The following CLEC4A variants were observed in gnomAD, a reference collection of about 807,000 sequenced individuals.
CLEC4A encodes the protein C-type (calcium dependent, carbohydrate-recognition domain) lectin, superfamily member 6.
In CLEC4A, 27 loss-of-function variants were observed where a neutral mutation model predicts 32.7. The observed-to-expected ratio is 0.83, with a 90% CI of 0.61 to 1.14. The LOEUF is 1.14. Ranked by LOEUF, CLEC4A falls within the 50% of genes most tolerant of loss-of-function variation. CLEC4A has a pLI of 0.00. For missense variants in CLEC4A, 253 were observed against 274.6 expected (o/e 0.92, Z 0.55); for synonymous variants, 89 against 93.7 (o/e 0.95, Z 0.29).
chr12:8,133,895 A>G, intron 3 of CLEC4A: 1 of 1,595,546 alleles, frequency 6.3e-7, no homozygotes, highest in Non-Finnish European at 8.5e-7. Context: ...TGGGGTACCA[A>G]AATGGGGCCC....
Position 8,138,122 on chromosome 12 carries a change from C to A in CLEC4A, c.567-18C>A. ...GCTCTGTTTGAAGAAATGCCCTCAT[C>A]CTTTTTGTCGCTTTCAGATTCTGGC... is the stretch of plus-strand genomic sequence containing the variant. On this transcript the variant is annotated intron_variant, in intron 5 of 5. Transcript: ENST00000229332. 6.2e-7 allele frequency: 1 copy of A among 1,611,866 alleles called. No homozygotes were observed. Among genetic ancestry groups the A allele is most frequent in the Non-Finnish European group, 8.5e-7 (1 of 1,178,842 alleles).
chr12:8,124,138 A>G (rs976705045), intron 1 of CLEC4A, among the ~76,000 whole-genome samples, 178 bp downstream of exon 1: 2 of 152,144 alleles, frequency 1.3e-5, no homozygotes, highest in Non-Finnish European at 2.9e-5. Flanking sequence ...GTACATTTGT[A>G]TTGTGGAGAA....
In CLEC4A at chr12:8,128,544, G is replaced by A. The variant is rs1474036992; in HGVS notation, c.200-720G>A. On this transcript the variant is annotated intron_variant, in intron 2 of 5. Coordinates refer to ENST00000229332, the MANE Select transcript of CLEC4A (RefSeq NM_016184.4). ...TCCTTCCTCAGCTTCCCGAGTAGCT[G>A]GGATTACAGGCACCTGCCGCTGCGC... Among the ~76,000 whole-genome samples the A allele has an allele frequency of 2.0e-5, 3 of 152,120 alleles. No homozygotes were observed. The East Asian group carries it at 5.8e-4, about 29-fold the overall frequency.
At position 8,123,911 on chromosome 12, in the gene CLEC4A, G is replaced by T. The variant is rs1179295225; in HGVS notation, c.33G>T (p.Arg11Ser). The change falls in exon 1 of 6, where the codon AGG (arginine) becomes AGT (serine). Residue 11 changes from arginine (R) to serine (S), a missense_variant. Coordinates refer to ENST00000229332, the MANE Select transcript of CLEC4A (RefSeq NM_016184.4). MTSEITYAEVRFKNEFKSSGI... is the reference protein window; with the variant it reads MTSEITYAEVSFKNEFKSSGI... ...CGGAAATCACTTATGCTGAAGTGAG[G>T]TTCAAAAATGAATTCAAGTCCTCAG... The T allele has an allele frequency of 1.2e-6, 2 of 1,613,228 alleles. No homozygotes were observed. Among genetic ancestry groups the T allele is most frequent in the African/African-American group, 1.3e-5 (1 of 74,896 alleles).
At chr12:8,126,658 C>T (rs891131161) in intron 2 of CLEC4A, among the ~76,000 whole-genome samples, 1 of 152,084 alleles carries the variant, frequency 6.6e-6, no homozygotes, top group Non-Finnish European at 1.5e-5. Flanking sequence ...GAGCCACAGC[C>T]CCTGGTCTCA....
At chr12:8,105,705 C>T in the CLEC4A span, among the ~76,000 whole-genome samples, 1 of 152,000 alleles carries the variant, frequency 6.6e-6, no homozygotes, top group South Asian at 2.1e-4. Context: ...TTGAAAAGTG[C>T]CTGTTCTTGT....
upstream of CLEC4A, among the ~76,000 whole-genome samples, chr12:8,123,452 A>T (rs4882913): frequency 0.85 from 129,514 of 152,212 alleles, 58,183 homozygotes; most frequent in Non-Finnish European, 0.99. Flanking sequence ...TATGTTCAGG[A>T]TGTTTGGTCA....
upstream of CLEC4A, among the ~76,000 whole-genome samples, chr12:8,123,328 T>C (rs549525111): frequency 2.1e-3 from 318 of 152,272 alleles, 1 homozygote; most frequent in Non-Finnish European, 3.7e-3. Flanking sequence ...AGGAAACTAA[T>C]TCGTGAAGGT....
Position 8,124,905 on chromosome 12 carries a change from A to G in CLEC4A, c.83-656A>G, listed in dbSNP as rs750105871. 6.6e-5 allele frequency among the ~76,000 whole-genome samples: 10 copies of G among 152,314 alleles called. No individual in the cohort carries two copies. In the East Asian group the frequency reaches 1.9e-3, roughly 29 times the overall value. ...CCACATACAAATACATATAATGTGC[A>G]TATGTATTTTACTAAAAATGTAATC... On this transcript the variant is annotated intron_variant, in intron 1 of 5. Transcript: ENST00000229332.
At position 8,134,987 on chromosome 12, in the gene CLEC4A, T is replaced by TTTTTTTG. The variant is rs1555080243; in HGVS notation, c.299-592_299-591insGTTTTTT. 129 of 225,298 alleles carry TTTTTTTG rather than the reference T, an allele frequency of 5.7e-4. 33 individuals carry two copies. Among genetic ancestry groups the TTTTTTTG allele is most frequent in the Non-Finnish European group, 7.6e-4 (110 of 144,966 alleles). 14.0% of individuals were successfully genotyped at this position (225,298 alleles called of 1,614,324 possible). A position where few individuals can be genotyped will look rare whatever the true frequency, so the allele number is the denominator to read the frequency against. On this transcript the variant is annotated intron_variant, in intron 3 of 5. Coordinates refer to ENST00000229332, the MANE Select transcript of CLEC4A (RefSeq NM_016184.4). ...CTTGTTGAAGCGTTTTTGTTTTTTG[T>TTTTTTTG]TTTTTTTTAATCATGGCTGCTTTTA... is the stretch of plus-strand genomic sequence containing the variant.
At chr12:8,132,298 C>T (rs1591609757) in intron 3 of CLEC4A, among the ~76,000 whole-genome samples, 2 of 152,120 alleles carry the variant, frequency 1.3e-5, no homozygotes, top group East Asian at 1.9e-4. Flanking sequence ...GCCCTAGTTC[C>T]TTTGATTGGA....
chr12:8,103,647 G>A, the CLEC4A span, among the ~76,000 whole-genome samples: 1 of 152,090 alleles, frequency 6.6e-6, no homozygotes, highest in Non-Finnish European at 1.5e-5. Context: ...GGCGTCCCCA[G>A]TACTGGGATT....
upstream of CLEC4A, among the ~76,000 whole-genome samples, chr12:8,120,134 T>G (rs1021081538): frequency 2.0e-5 from 3 of 152,102 alleles, no homozygotes; most frequent in African/African-American, 7.2e-5. Flanking sequence ...TCAGGGGAGC[T>G]TCAGTGCCCA....
chr12:8,121,946 G>T (rs1276723479), upstream of CLEC4A, among the ~76,000 whole-genome samples: 3 of 151,890 alleles, frequency 2.0e-5, no homozygotes, highest in African/African-American at 7.3e-5. Context: ...TGTTGGCCCA[G>T]TTGGGGTTGG....
At chr12:8,112,946 C>A in the CLEC4A span, among the ~76,000 whole-genome samples, 1 of 151,926 alleles carries the variant, frequency 6.6e-6, no homozygotes. Context: ...AGTTAATAAC[C>A]ATATATCCAT....
the CLEC4A span, among the ~76,000 whole-genome samples, chr12:8,109,920 G>T: frequency 5.3e-5 from 8 of 152,226 alleles, no homozygotes; most frequent in Non-Finnish European, 1.2e-4. Context: ...GGGGCAGGAA[G>T]TAGGAAGAGT....
At chr12:8,134,990 TTTTTTA>T in intron 3 of CLEC4A, 2 of 274,238 alleles carry the variant, frequency 7.3e-6, no homozygotes, top group Non-Finnish European at 1.2e-5. Flanking sequence ...TTTTTTGTTT[TTTTTTA>T]ATCATGGCTG....
At position 8,136,793 on chromosome 12, in the gene CLEC4A, C is replaced by T. The variant is rs1565407246; in HGVS notation, c.456C>T (p.Phe152=). ...TCCTTCTTTTCCCCCCTCAGGATTT[C>T]ATCTTCCAGAATCTGCAAGAAGAAT... ...LVINTQEEQD[F]IFQNLQEESA... Residue 152 remains phenylalanine, a synonymous_variant, in exon 5 of 6, where the codon TTC becomes TTT. Transcript: ENST00000229332. 4.4e-6 allele frequency: 7 copies of T among 1,607,658 alleles called. No individual in the cohort carries two copies. The highest frequency in any genetic ancestry group is 6.0e-6 in the Non-Finnish European group (7 of 1,174,538).
At chr12:8,124,209 A>G (rs1288708644) in intron 1 of CLEC4A, among the ~76,000 whole-genome samples, 2 of 152,182 alleles carry the variant, frequency 1.3e-5, no homozygotes, top group Non-Finnish European at 2.9e-5. Context: ...GAGGTGAGAG[A>G]AATCCACTCC....
Sources: gnomAD v4.1 joint callset for allele counts (sites outside exome capture counted in the v4.1 genomes callset) on GRCh38, gnomAD v4.1.1 for gene constraint, MANE v1.5 for transcripts, NCBI Gene and HGNC (gene_info 2026-07-23, HGNC 2026-07-21) for gene names.